DCAF4: variants seen among roughly 807,000 people sequenced by gnomAD.
DCAF4 encodes DDB1 and CUL4 associated factor 4, also known as DDB1- and CUL4-associated factor 4.
DCAF4 carries 37 observed loss-of-function variants against 60.9 expected under a neutral mutation model. The ratio of observed to expected loss-of-function variants is 0.61; its 90% CI spans 0.47 to 0.80. The LOEUF is 0.80. Ranked by LOEUF, DCAF4 falls within the 30% of genes least tolerant of loss-of-function variation. The pLI is 0.00. For missense variants in DCAF4, 577 were observed against 650.0 expected (o/e 0.89, Z 1.22); for synonymous variants, 243 against 254.8 (o/e 0.95, Z 0.44).
At chr14:72,958,519 C>A in intron 13 of DCAF4, 93 bp from the exon 14 acceptor site, 1 of 1,448,776 alleles carries the variant, frequency 6.9e-7, no homozygotes, top group South Asian at 1.2e-5. Context: ...GAAATCACAG[C>A]CCTGAGGAAT....
intron 4 of DCAF4, among the ~76,000 whole-genome samples, chr14:72,941,489 C>G (rs1183678408): frequency 6.6e-6 from 1 of 152,154 alleles, no homozygotes; most frequent in Non-Finnish European, 1.5e-5. Context: ...GGCTTCGTCC[C>G]CCCGGGTGTA....
In DCAF4 at chr14:72,945,904, G is replaced by T. The variant is rs1890675525; in HGVS notation, c.555G>T (p.Arg185=). Residue 185 remains arginine, a synonymous_variant, in exon 7 of 14, where the codon CGG becomes CGT. Coordinates refer to ENST00000358377, the MANE Select transcript of DCAF4 (RefSeq NM_015604.4). ...NLILADTNSD[R]LFTVNDVKVG... is the part of the protein sequence containing the mutation. ...TCCAGGCAGATACCAACAGTGACCG[G>T]CTCTTCACAGTGAACGATGTTAAAG... The T allele has an allele frequency of 6.2e-7, 1 of 1,614,158 alleles. No homozygotes were observed. Among genetic ancestry groups the T allele is most frequent in the South Asian group, 1.1e-5 (1 of 91,072 alleles).
intron 9 of DCAF4, among the ~76,000 whole-genome samples, chr14:72,952,302 A>G (rs913348181): frequency 2.6e-5 from 4 of 152,186 alleles, no homozygotes; most frequent in African/African-American, 9.7e-5. Flanking sequence ...GATCAATAAG[A>G]CCAGGGTGAG....
chr14:72,936,058 G>C (rs1016766629), intron 1 of DCAF4, among the ~76,000 whole-genome samples: 1 of 152,126 alleles, frequency 6.6e-6, no homozygotes, highest in African/African-American at 2.4e-5. Flanking sequence ...AAAGTGCTGG[G>C]ATTACAGGCA....
At chr14:72,941,492 C>CG (rs1890038487) in intron 4 of DCAF4, among the ~76,000 whole-genome samples, 1 of 152,140 alleles carries the variant, frequency 6.6e-6, no homozygotes, top group African/African-American at 2.4e-5. Flanking sequence ...TTCGTCCCCC[C>CG]GGGTGTATGT....
At position 72,940,369 on chromosome 14, in the gene DCAF4, C is replaced by A. The variant is rs149121448; in HGVS notation, c.343C>A (p.Arg115=). The A allele has an allele frequency of 4.4e-6, 7 of 1,608,294 alleles. No homozygotes were observed. In the Admixed American group the frequency reaches 1.0e-4, roughly 24 times the overall value. The part of the protein sequence containing the change: ...RLRLLQEEDR[R]KKIARMGFNA... ...GCGGCTGCTCCAGGAAGAAGACAGA[C>A]GGAAAAAGGTGGGCTCCTCACCCCT... Residue 115 remains arginine, a synonymous_variant, in exon 4 of 14, where the codon CGG becomes AGG. Transcript: ENST00000358377.
intron 1 of DCAF4, among the ~76,000 whole-genome samples, chr14:72,931,263 C>CTTTTTTTTTTTTT (rs370127536): frequency 2.4e-5 from 3 of 126,790 alleles, no homozygotes; most frequent in African/African-American, 2.9e-5. Flanking sequence ...TACTTTTTCT[C>CTTTTTTTTTTTTT]TTTTTTTTTT....
intron 6 of DCAF4, among the ~76,000 whole-genome samples, chr14:72,944,966 G>A (rs1292604702): frequency 2.0e-5 from 3 of 151,524 alleles, no homozygotes; most frequent in African/African-American, 7.3e-5. Context: ...GTGCGCACCT[G>A]TAGTCCCAGC....
chr14:72,961,880 A>G, downstream of DCAF4: 1 of 1,120,494 alleles, frequency 8.9e-7, no homozygotes, highest in Non-Finnish European at 1.1e-6. Context: ...GGCCACTACA[A>G]TGCTGATGTC....
intron 4 of DCAF4, 49 bp downstream of exon 4, chr14:72,940,426 C>A (rs1239858261): frequency 6.4e-7 from 1 of 1,558,180 alleles, no homozygotes; most frequent in East Asian, 2.3e-5. Context: ...CCTGCCAGCA[C>A]CTGTCCATCC....
chr14:72,943,525 C>T (rs562247208), intron 6 of DCAF4, among the ~76,000 whole-genome samples: 2 of 152,286 alleles, frequency 1.3e-5, no homozygotes, highest in Non-Finnish European at 1.5e-5. Flanking sequence ...GGTAGGACTC[C>T]TTGCTTGCCG....
At chr14:72,934,634 C>T (rs1461816409) in intron 1 of DCAF4, among the ~76,000 whole-genome samples, 2 of 152,142 alleles carry the variant, frequency 1.3e-5, no homozygotes, top group Non-Finnish European at 2.9e-5. Flanking sequence ...CTCCCTCCCC[C>T]ACCTCCAGCC....
chr14:72,957,987 T>G (rs1395079919), intron 13 of DCAF4: 2 of 153,468 alleles, frequency 1.3e-5, no homozygotes, highest in African/African-American at 4.8e-5. Flanking sequence ...ATGTAATGAC[T>G]TTGACAGATC....
intron 13 of DCAF4, chr14:72,957,771 A>G (rs1892495209): frequency 6.6e-6 from 1 of 152,236 alleles, no homozygotes. Flanking sequence ...CACAAATGTG[A>G]AATCCATGAC....
chr14:72,956,095 G>C (rs1024947080), intron 12 of DCAF4, among the ~76,000 whole-genome samples: 1 of 151,814 alleles, frequency 6.6e-6, no homozygotes, highest in Non-Finnish European at 1.5e-5. Context: ...GCTAATTTTT[G>C]TATTTTTAGT....
At chr14:72,949,692 G>A (rs1412659341) in intron 8 of DCAF4, among the ~76,000 whole-genome samples, 1 of 151,650 alleles carries the variant, frequency 6.6e-6, no homozygotes, top group Non-Finnish European at 1.5e-5. Context: ...GGGAGACAGA[G>A]GTTGCAGTGA....
intron 1 of DCAF4, among the ~76,000 whole-genome samples, chr14:72,935,607 G>A (rs543681197): frequency 4.1e-4 from 63 of 152,342 alleles, no homozygotes; most frequent in African/African-American, 1.3e-3. Context: ...AGGTTGGCAG[G>A]CTCCCTTACC....
intron 9 of DCAF4, among the ~76,000 whole-genome samples, chr14:72,953,732 A>AAAAAAAAATATATAT (rs1555527852): frequency 4.6e-5 from 1 of 21,778 alleles, no homozygotes; most frequent in Admixed American, 8.0e-4. Context: ...AAAAAAAAAA[A>AAAAAAAAATATATAT]ATATATATAT....
intron 13 of DCAF4, chr14:72,956,867 C>T (rs150281699): frequency 6.9e-4 from 177 of 257,908 alleles, no homozygotes; most frequent in African/African-American, 3.7e-3. Context: ...GTTGTCTCTA[C>T]TCACATTTCC....
Sources: allele counts gnomAD v4.1 joint callset (sites outside exome capture counted in the v4.1 genomes callset), GRCh38; gene constraint gnomAD v4.1.1; transcripts MANE v1.5; gene names NCBI Gene and HGNC (gene_info 2026-07-23, HGNC 2026-07-21).